The following ZC3H12B variants were observed in gnomAD, a reference collection of about 807,000 sequenced individuals.
ZC3H12B encodes the protein zinc finger CCCH-type containing 12B.
ZC3H12B carries 7 observed loss-of-function variants against 43.9 expected under a neutral mutation model. The observed-to-expected ratio is 0.16, with a 90% confidence interval of 0.09 to 0.30. The LOEUF is 0.30. ZC3H12B is among the 10% of genes least tolerant of loss of function. The pLI is 1.00. For missense variants in ZC3H12B, 475 were observed against 670.2 expected, an observed-to-expected ratio of 0.71 and a Z score of 3.22; for synonymous variants, 222 against 241.7, an observed-to-expected ratio of 0.92 and a Z score of 0.76.
the ZC3H12B span, among the ~76,000 whole-genome samples, chrX:65,175,541 A>G: frequency 2.7e-5 from 3 of 111,895 alleles, no homozygotes; most frequent in Admixed American, 1.9e-4. Context: ...CCATACCTGA[A>G]CTCATGTGAT....
chrX:65,079,655 T>G, the ZC3H12B span, among the ~76,000 whole-genome samples: 1 of 112,817 alleles, frequency 8.9e-6, no homozygotes, highest in Non-Finnish European at 1.9e-5. Context: ...CAAGAACCAC[T>G]GTGTTACTGG....
intron 3 of ZC3H12B, among the ~76,000 whole-genome samples, chrX:65,471,261 C>A (rs1015007394): frequency 7.3e-5 from 8 of 109,826 alleles, no homozygotes; most frequent in Non-Finnish European, 1.3e-4. Flanking sequence ...TATATAATAA[C>A]CTTCTTTGTC....
chrX:65,109,172 T>C, the ZC3H12B span, among the ~76,000 whole-genome samples: 1 of 111,859 alleles, frequency 8.9e-6, no homozygotes, highest in Non-Finnish European at 1.9e-5. Flanking sequence ...TTCATCATTT[T>C]ATTTTACTTT....
chrX:65,148,651 G>A, the ZC3H12B span, among the ~76,000 whole-genome samples: 3 of 111,346 alleles, frequency 2.7e-5, no homozygotes, highest in East Asian at 8.6e-4. Flanking sequence ...CCCAAGCAGA[G>A]GGCATCTCTC....
the ZC3H12B span, among the ~76,000 whole-genome samples, chrX:65,182,936 G>A: frequency 2.7e-5 from 3 of 111,732 alleles, no homozygotes; most frequent in Non-Finnish European, 3.8e-5. Flanking sequence ...TGCTGGCTAG[G>A]TTGTGAAAAA....
At chrX:65,176,256 T>A in the ZC3H12B span, among the ~76,000 whole-genome samples, 1 of 111,306 alleles carries the variant, frequency 9.0e-6, no homozygotes, top group African/African-American at 3.3e-5. Context: ...CTCCTCACAG[T>A]GTAAAGAAAG....
chrX:65,172,287 G>T, the ZC3H12B span, among the ~76,000 whole-genome samples: 2 of 112,042 alleles, frequency 1.8e-5, no homozygotes, highest in African/African-American at 3.2e-5. Flanking sequence ...GGAGTTGTTT[G>T]TTTTTTCCTT....
chrX:65,225,832 A>G, the ZC3H12B span, among the ~76,000 whole-genome samples: 1 of 111,898 alleles, frequency 8.9e-6, no homozygotes, highest in African/African-American at 3.3e-5. Flanking sequence ...AGAAAAAAGA[A>G]CAAAAAGAAA....
the ZC3H12B span, among the ~76,000 whole-genome samples, chrX:65,084,057 T>A: frequency 8.9e-6 from 1 of 111,859 alleles, no homozygotes; most frequent in Admixed American, 9.5e-5. Flanking sequence ...GATATCCATA[T>A]GCAGAAGAAT....
At chrX:65,075,744 G>T in the ZC3H12B span, among the ~76,000 whole-genome samples, 2 of 111,671 alleles carry the variant, frequency 1.8e-5, no homozygotes, top group African/African-American at 6.5e-5. Context: ...TTTTTCACGA[G>T]TCTCCAGATA....
At chrX:65,447,364 G>C (rs1311677714) in intron 3 of ZC3H12B, among the ~76,000 whole-genome samples, 1 of 110,958 alleles carries the variant, frequency 9.0e-6, no homozygotes, top group Non-Finnish European at 1.9e-5. Context: ...TATAAATAAT[G>C]CTGGCAAAAC....
the ZC3H12B span, among the ~76,000 whole-genome samples, chrX:65,119,621 C>A: frequency 8.1e-5 from 9 of 111,519 alleles, no homozygotes; most frequent in African/African-American, 2.9e-4. Context: ...ATGATAGTTT[C>A]TTTTGCAGTG....
chrX:65,451,050 C>T (rs143207710), intron 3 of ZC3H12B, among the ~76,000 whole-genome samples: 5 of 107,970 alleles, frequency 4.6e-5, no homozygotes, highest in South Asian at 4.0e-4. Flanking sequence ...TGGGTTCAAG[C>T]GATTCTTCTG....
At chrX:65,041,880 A>G in the ZC3H12B span, among the ~76,000 whole-genome samples, 100 of 112,040 alleles carry the variant, frequency 8.9e-4, no homozygotes, top group African/African-American at 3.1e-3. Flanking sequence ...ATGTTCTGAG[A>G]TGAAATTCTT....
the ZC3H12B span, among the ~76,000 whole-genome samples, chrX:65,186,779 A>G: frequency 1.8e-5 from 2 of 111,398 alleles, no homozygotes; most frequent in South Asian, 7.6e-4. Context: ...GTGAGAACAT[A>G]AAATATTTGG....
the ZC3H12B span, among the ~76,000 whole-genome samples, chrX:65,108,397 TTTTAA>T: frequency 5.4e-5 from 6 of 111,086 alleles, no homozygotes; most frequent in East Asian, 2.8e-4. Context: ...AGCTTTTCAA[TTTTAA>T]TTTAATTTAA....
the ZC3H12B span, among the ~76,000 whole-genome samples, chrX:65,207,297 T>C: frequency 9.2e-6 from 1 of 108,202 alleles, no homozygotes; most frequent in African/African-American, 3.4e-5. Flanking sequence ...GGTCTACTAC[T>C]CACCCATAAA....
the ZC3H12B span, among the ~76,000 whole-genome samples, chrX:65,211,070 TAA>T: frequency 3.5e-5 from 1 of 28,223 alleles, no homozygotes. Context: ...TAGAGTATAA[TAA>T]AAAAAAAAAA....
the ZC3H12B span, among the ~76,000 whole-genome samples, chrX:65,249,529 T>G: frequency 2.7e-5 from 3 of 111,961 alleles, no homozygotes; most frequent in African/African-American, 9.7e-5. Flanking sequence ...TAGTCTTGCT[T>G]TGGCTATGTG....
Sources: gnomAD v4.1 joint callset for allele counts (sites outside exome capture counted in the v4.1 genomes callset) on GRCh38, gnomAD v4.1.1 for gene constraint, MANE v1.5 for transcripts, NCBI Gene and HGNC (gene_info 2026-07-23, HGNC 2026-07-21) for gene names.